The following TAOK1 variants were observed in gnomAD, a reference collection of about 807,000 sequenced individuals.
TAOK1 encodes the protein serine/threonine-protein kinase TAO1.
TAOK1 carries 21 observed loss-of-function variants against 138.3 expected under a neutral mutation model. The observed-to-expected ratio is 0.15, with a 90% CI of 0.11 to 0.22. The LOEUF is 0.22. Among genes scored for constraint, TAOK1 ranks in the 10% least tolerant of loss-of-function variants. The probability of loss-of-function intolerance (pLI) is 1.00; values close to 1 mark genes in which losing one functional copy is unlikely to be tolerated. For synonymous variants in TAOK1, 361 were observed against 398.4 expected, an observed-to-expected ratio of 0.91 and a Z score of 1.12; for missense variants, 651 against 1,227.7, an observed-to-expected ratio of 0.53 and a Z score of 7.02.
intron 11 of TAOK1, among the ~76,000 whole-genome samples, chr17:29,496,525 TTAG>T (rs1475478066): frequency 6.6e-6 from 1 of 151,106 alleles, no homozygotes; most frequent in African/African-American, 2.4e-5. Context: ...CATGAGAAAG[TTAG>T]TAGGCATTCG....
At chr17:29,486,614 CAG>C (rs2031179052) in intron 8 of TAOK1, among the ~76,000 whole-genome samples, 1 of 150,908 alleles carries the variant, frequency 6.6e-6, no homozygotes, top group Non-Finnish European at 1.5e-5. Flanking sequence ...ATCTGGGTGA[CAG>C]AGTGAGATCT....
At chr17:29,406,145 A>G (rs1157171488) in intron 1 of TAOK1, among the ~76,000 whole-genome samples, 5 of 152,290 alleles carry the variant, frequency 3.3e-5, no homozygotes, top group South Asian at 2.1e-4. Context: ...GCTATGCATT[A>G]TAGCATATTT....
intron 17 of TAOK1, among the ~76,000 whole-genome samples, chr17:29,529,005 T>C (rs1297635477): frequency 1.4e-5 from 2 of 147,712 alleles, no homozygotes; most frequent in African/African-American, 2.5e-5. Flanking sequence ...AGTGTCTCAC[T>C]CTATTGTTCA....
Position 29,467,163 on chromosome 17 carries a change from A to G in TAOK1, c.151A>G (p.Asn51Asp), listed in dbSNP as rs1335448222. The change falls in exon 3 of 20, where the codon AAT becomes GAT. Residue 51 changes from asparagine (N) to aspartate (D), a missense_variant. Around this residue, in one of 8 missense-constraint regions of TAOK1, gnomAD observed 116 missense variants for 213.9 expected, o/e 0.54. Transcript: ENST00000261716. Reference protein sequence around the residue: ...AVYFARDVRTNEVVAIKKMSY... With the variant: ...AVYFARDVRTDEVVAIKKMSY... ...TCTTTAGGCACGAGATGTGCGTACCAATGAAGTGGTGGCCATCAAGAAAAT... is the reference window on the plus strand; with the variant it reads ...TCTTTAGGCACGAGATGTGCGTACCGATGAAGTGGTGGCCATCAAGAAAAT... 6.2e-7 allele frequency: 1 copy of G among 1,604,278 alleles called. No homozygotes were observed. The highest frequency in any genetic ancestry group is 1.1e-5 in the South Asian group (1 of 89,386).
Position 29,467,235 on chromosome 17 carries a change from T to C in TAOK1, c.204+19T>C. The C allele has an allele frequency of 6.7e-7, 1 of 1,487,808 alleles. No individual in the cohort carries two copies. Among genetic ancestry groups the C allele is most frequent in the Non-Finnish European group, 9.2e-7 (1 of 1,090,378 alleles). The allele number at this position is 1,487,808 out of a possible 1,614,324, so 92.2% of individuals were successfully genotyped here. On this transcript the variant is annotated intron_variant, in intron 3 of 19. Transcript: ENST00000261716. Reference sequence around the variant, plus strand: ...TACTGAGGTAGGTTAAATATGTACATTCTTGTTTTTTTCTTATATTTATCT... The same window carrying C: ...TACTGAGGTAGGTTAAATATGTACACTCTTGTTTTTTTCTTATATTTATCT...
intron 12 of TAOK1, among the ~76,000 whole-genome samples, chr17:29,501,220 T>TAAAAAAAA (rs2031517302): frequency 1.1e-5 from 1 of 88,558 alleles, no homozygotes; most frequent in African/African-American, 4.0e-5. Context: ...CCCCATCTGT[T>TAAAAAAAA]TAAAAAAAAA....
chr17:29,470,764 C>T (rs181583843), intron 3 of TAOK1, among the ~76,000 whole-genome samples: 299 of 152,194 alleles, frequency 2.0e-3, no homozygotes, highest in Non-Finnish European at 3.6e-3. Context: ...TTCTCAACCA[C>T]TACAATAAAG....
rs758791078 is a variant in TAOK1, at chr17:29,544,363, G to A, written c.*1341G>A. 6.6e-6 allele frequency: 1 copy of A among 152,366 alleles called. No individual in the cohort carries two copies. Among genetic ancestry groups the A allele is most frequent in the Non-Finnish European group, 1.5e-5 (1 of 68,018 alleles). The allele number at this position is 152,366 out of a possible 1,614,324, so 9.4% of individuals were successfully genotyped here. ...GCAGTACTTTACAAACTTCTAGTTC[G>A]TTGAGACTTAGTGACCATTTGGCAT... is the stretch of plus-strand genomic sequence containing the variant. On this transcript the variant is annotated 3_prime_UTR_variant, in exon 20 of 20. Transcript: ENST00000261716.
intron 15 of TAOK1, among the ~76,000 whole-genome samples, chr17:29,515,309 G>A (rs558173351): frequency 2.0e-5 from 3 of 152,146 alleles, no homozygotes; most frequent in East Asian, 3.9e-4. Context: ...ACCAAGAAGC[G>A]AGATGTTTAA....
intron 9 of TAOK1, among the ~76,000 whole-genome samples, chr17:29,490,155 T>A (rs1050819122): frequency 2.0e-5 from 3 of 152,042 alleles, no homozygotes; most frequent in Admixed American, 1.3e-4. Flanking sequence ...TTATAATTTA[T>A]ATGATATAAA....
intron 1 of TAOK1, among the ~76,000 whole-genome samples, chr17:29,397,627 T>TGTATG (rs1204278700): frequency 2.3e-3 from 102 of 44,734 alleles, no homozygotes; most frequent in Non-Finnish European, 3.4e-3. Context: ...TATATATATA[T>TGTATG]ATACATGTAT....
At chr17:29,444,169 G>A (rs2030021158) in intron 1 of TAOK1, among the ~76,000 whole-genome samples, 1 of 151,616 alleles carries the variant, frequency 6.6e-6, no homozygotes, top group African/African-American at 2.4e-5. Context: ...CCTACATTTT[G>A]TTTAGGTATT....
At chr17:29,437,130 C>T (rs1345788039) in intron 1 of TAOK1, among the ~76,000 whole-genome samples, 2 of 152,116 alleles carry the variant, frequency 1.3e-5, no homozygotes, top group East Asian at 3.8e-4. Context: ...GTGGTGTGAT[C>T]TTGGCTCACT....
rs1307395854 is a variant in TAOK1, at chr17:29,546,785, T to G, written c.*3763T>G. 6.6e-6 allele frequency: 1 copy of G among 152,152 alleles called. No homozygotes were observed. The highest frequency in any genetic ancestry group is 2.4e-5 in the African/African-American group (1 of 41,450). 9.4% of individuals were successfully genotyped at this position (152,152 alleles called of 1,614,324 possible). On this transcript the variant is annotated 3_prime_UTR_variant, in exon 20 of 20. Transcript: ENST00000261716. ...TACTGTACATTTCCATCAGGGCACT[T>G]AAAAGTTCTGTTATTTTTGTTTGGT...
intron 10 of TAOK1, among the ~76,000 whole-genome samples, chr17:29,494,682 C>T (rs1157303523): frequency 2.6e-5 from 4 of 151,564 alleles, no homozygotes; most frequent in Non-Finnish European, 5.9e-5. Context: ...AAAAATTAGC[C>T]GGGTGTGGTG....
chr17:29,491,600 G>A (rs142286004), intron 9 of TAOK1, among the ~76,000 whole-genome samples, 184 bp from the exon 10 acceptor site: 61 of 152,206 alleles, frequency 4.0e-4, no homozygotes, highest in African/African-American at 1.5e-3. Flanking sequence ...TTTGGAAAAT[G>A]GTGAACATTC....
chr17:29,406,118 T>G (rs1309145166), intron 1 of TAOK1, among the ~76,000 whole-genome samples: 2 of 152,110 alleles, frequency 1.3e-5, no homozygotes, highest in African/African-American at 2.4e-5. Flanking sequence ...GGATAATTCA[T>G]TGTTGGGGGG....
intron 19 of TAOK1, among the ~76,000 whole-genome samples, chr17:29,540,047 G>C (rs575562309): frequency 7.2e-5 from 11 of 152,284 alleles, no homozygotes; most frequent in South Asian, 6.2e-4. Context: ...GGAAGAATAG[G>C]TTAACCAGAA....
intron 1 of TAOK1, among the ~76,000 whole-genome samples, chr17:29,402,672 A>G (rs1396041585): frequency 1.3e-5 from 2 of 152,140 alleles, no homozygotes; most frequent in Non-Finnish European, 2.9e-5. Context: ...GGACATATAT[A>G]GATTTGATTT....
Sources: allele counts gnomAD v4.1 joint callset (sites outside exome capture counted in the v4.1 genomes callset), GRCh38; gene constraint gnomAD v4.1.1; regional missense constraint gnomAD v4.1.1; transcripts MANE v1.5; gene names NCBI Gene and HGNC (gene_info 2026-07-23, HGNC 2026-07-21).